The following DPY19L3 variants were observed in gnomAD, a reference collection of about 807,000 sequenced individuals.
DPY19L3 encodes the protein dpy-19 like C-mannosyltransferase 3, also known as protein C-mannosyl-transferase DPY19L3.
A neutral mutation model predicts 92.3 loss-of-function variants in DPY19L3; 51 were observed. The observed-to-expected ratio is 0.55, with a 90% CI of 0.44 to 0.70. The LOEUF (loss-of-function observed/expected upper bound fraction) is 0.70, where lower values mean the gene tolerates loss of function less well. Ranked by LOEUF, DPY19L3 falls within the 30% of genes least tolerant of loss-of-function variation. The pLI is 0.00. For synonymous variants in DPY19L3, 309 were observed against 315.2 expected (o/e 0.98, Z 0.21); for missense variants, 706 against 855.9 (o/e 0.82, Z 2.18).
chr19:32,448,398 G>A (rs1232702582), intron 8 of DPY19L3, among the ~76,000 whole-genome samples: 1 of 152,118 alleles, frequency 6.6e-6, no homozygotes, highest in African/African-American at 2.4e-5. Context: ...GGCTACTGGT[G>A]CCGATGTCTC....
intron 16 of DPY19L3, among the ~76,000 whole-genome samples, chr19:32,476,167 G>A (rs1970502399): frequency 6.6e-6 from 1 of 152,138 alleles, no homozygotes; most frequent in South Asian, 2.1e-4. Context: ...CGCTGAGTTG[G>A]AATAAATAAA....
intron 18 of DPY19L3, chr19:32,480,782 G>T: frequency 1.7e-6 from 1 of 595,794 alleles, no homozygotes; most frequent in Non-Finnish European, 2.9e-6. Flanking sequence ...TGGGTCCCCA[G>T]TGTCACACCA....
chr19:32,432,417 T>G (rs1402785782), intron 3 of DPY19L3, among the ~76,000 whole-genome samples: 1 of 152,188 alleles, frequency 6.6e-6, no homozygotes, highest in Non-Finnish European at 1.5e-5. Context: ...TCATTTTTTT[T>G]TGTGCCATCC....
chr19:32,464,777 G>A lies in DPY19L3; in HGVS notation c.1607G>A (p.Cys536Tyr). 6.6e-7 allele frequency: 1 copy of A among 1,525,246 alleles called. No homozygotes were observed. The highest frequency in any genetic ancestry group is 8.9e-7 in the Non-Finnish European group (1 of 1,122,082). The allele number at this position is 1,525,246 out of a possible 1,614,324, so 94.5% of individuals were successfully genotyped here. The change falls in exon 15 of 19, where the codon TGC (cysteine) becomes TAC (tyrosine). Residue 536 changes from cysteine (C) to tyrosine (Y), a missense_variant. Physicochemically the swap from Cys to Tyr is radical, Grantham distance 194 (BLOSUM62 -2). Coordinates refer to ENST00000392250, the MANE Select transcript of DPY19L3 (RefSeq NM_001172774.2). ...CCGATATTAATACTGCTGTATCTATGCTATAAGGTAAGACTGATTTTCCTC... is the reference window on the plus strand; with the variant it reads ...CCGATATTAATACTGCTGTATCTATACTATAAGGTAAGACTGATTTTCCTC... ...SVPILILLYL[C>Y]YKFWPGMMDE...
Position 32,439,152 on chromosome 19 carries a change from G to A in DPY19L3, c.637G>A (p.Glu213Lys). 1 of 1,613,438 alleles carries A rather than the reference G, an allele frequency of 6.2e-7. No individual in the cohort carries two copies. The highest frequency in any genetic ancestry group is 8.5e-7 in the Non-Finnish European group (1 of 1,179,530). ...TRVEFTIPLR[E>K]NWALPFFAIQ... ...AGTTGAGTTTACCATCCCACTGAGG[G>A]AGAACTGGGCGCTGCCATTCTTTGC... The change falls in exon 7 of 19, where the codon GAG (glutamate) becomes AAG (lysine). Residue 213 changes from glutamate (E) to lysine (K), a missense_variant. Transcript: ENST00000392250.
rs1441950998 is a variant in DPY19L3 at position 32,405,807 on chromosome 19, T to TA, written c.-139dup. 2 of 151,998 alleles carry TA rather than the reference T, an allele frequency of 1.3e-5. No homozygotes were observed. The highest frequency in any genetic ancestry group is 2.4e-5 in the African/African-American group (1 of 41,426). 9.4% of individuals were successfully genotyped at this position (151,998 alleles called of 1,614,324 possible). A position where few individuals can be genotyped will look rare whatever the true frequency, so the allele number is the denominator to read the frequency against. On this transcript the variant is annotated 5_prime_UTR_variant, in exon 1 of 19. Transcript: ENST00000392250. ...CTCCGCGGCGGTTCTGCCCTCCTTGTACCCGCGGCGCGCTGCGGCCCGTGG... is the reference window on the plus strand; with the variant it reads ...CTCCGCGGCGGTTCTGCCCTCCTTGTAACCCGCGGCGCGCTGCGGCCCGTGG...
At position 32,480,570 on chromosome 19, in the gene DPY19L3, C is replaced by CCT. The variant is rs1970643961; in HGVS notation, c.1989+17_1989+18dup. The CCT allele has an allele frequency of 1.2e-6, 2 of 1,608,410 alleles. No individual in the cohort carries two copies. Reference sequence around the variant, plus strand: ...TGCCAACGGCCACGTGAGCATGCTGCCTCTCCCTGTGTGGGGGTCTCCTGG... The same window carrying CCT: ...TGCCAACGGCCACGTGAGCATGCTGCCTCTCTCCCTGTGTGGGGGTCTCCTGG... On this transcript the variant is annotated intron_variant, in intron 18 of 18. Coordinates refer to ENST00000392250, the MANE Select transcript of DPY19L3 (RefSeq NM_001172774.2).
In DPY19L3 at chr19:32,482,066, G is replaced by GT; in HGVS notation, c.1990-9dup. ...TTCCCCCCAAATTGTATTTGGGTTT[G>GT]TTTTGGTTTTAGATGATGGATGGCC... is the stretch of plus-strand genomic sequence containing the variant. On this transcript the variant is annotated splice_polypyrimidine_tract_variant and intron_variant, in intron 18 of 18. Transcript: ENST00000392250. The GT allele has an allele frequency of 1.2e-6, 2 of 1,605,694 alleles. No homozygotes were observed. Among genetic ancestry groups the GT allele is most frequent in the Non-Finnish European group, 1.7e-6 (2 of 1,177,392 alleles).
intron 1 of DPY19L3, 196 bp downstream of exon 1, chr19:32,406,105 G>A (rs372504759): frequency 6.6e-6 from 1 of 151,958 alleles, no homozygotes; most frequent in Admixed American, 6.6e-5. Flanking sequence ...ACGCGGGCCG[G>A]GCTGGGCTCC....
intron 3 of DPY19L3, among the ~76,000 whole-genome samples, chr19:32,420,624 A>G (rs1295441722): frequency 6.6e-6 from 1 of 151,816 alleles, no homozygotes; most frequent in Non-Finnish European, 1.5e-5. Context: ...TAACTTTTGT[A>G]TTTTTAGTAG....
chr19:32,457,561 A>G (rs1244746017), intron 10 of DPY19L3, among the ~76,000 whole-genome samples: 2 of 152,220 alleles, frequency 1.3e-5, no homozygotes, highest in African/African-American at 4.8e-5. Context: ...TTTAAAATAG[A>G]ATTATATGAG....
chr19:32,475,666 G>C (rs1970484712), intron 16 of DPY19L3, among the ~76,000 whole-genome samples: 1 of 152,214 alleles, frequency 6.6e-6, no homozygotes, highest in South Asian at 2.1e-4. Context: ...AGTGTCAGTT[G>C]AATTAAACTG....
intron 15 of DPY19L3, chr19:32,467,518 C>T: frequency 1.0e-6 from 1 of 987,582 alleles, no homozygotes; most frequent in Non-Finnish European, 1.2e-6. Context: ...AGCAATTTTC[C>T]TGATTCACCC....
intron 2 of DPY19L3, among the ~76,000 whole-genome samples, chr19:32,410,024 C>G (rs1476491920): frequency 6.6e-6 from 1 of 152,170 alleles, no homozygotes; most frequent in Non-Finnish European, 1.5e-5. Context: ...ATGTTGCATT[C>G]CAGAGAGGCA....
At chr19:32,436,179 A>G (rs1443640172) in intron 4 of DPY19L3, among the ~76,000 whole-genome samples, 1 of 152,228 alleles carries the variant, frequency 6.6e-6, no homozygotes, top group Non-Finnish European at 1.5e-5. Flanking sequence ...CCACATTTCT[A>G]GAGAAGGACC....
In DPY19L3 at chr19:32,453,393, A is replaced by G. The variant is rs1475836665; in HGVS notation, c.987+117A>G. 36 of 1,043,038 alleles carry G rather than the reference A, an allele frequency of 3.5e-5. No homozygotes were observed. The Admixed American group carries it at 1.1e-3, about 32-fold the overall frequency. 64.6% of individuals were successfully genotyped at this position (1,043,038 alleles called of 1,614,324 possible). A position where few individuals can be genotyped will look rare whatever the true frequency, so the allele number is the denominator to read the frequency against. On this transcript the variant is annotated intron_variant, in intron 9 of 18. Transcript: ENST00000392250. ...ATTTACAACCTGATTTGCACTAAAA[A>G]GAGCACGTGGCATTGTGTGCTTTTT...
chr19:32,427,065 C>T (rs1055471068), intron 3 of DPY19L3, among the ~76,000 whole-genome samples: 2 of 152,138 alleles, frequency 1.3e-5, no homozygotes, highest in Non-Finnish European at 2.9e-5. Context: ...GCGATCTCGG[C>T]TCACTGTAGC....
At position 32,484,873 on chromosome 19, in the gene DPY19L3, A is replaced by G. The variant is rs771817635; in HGVS notation, c.*2633A>G. 3 of 152,254 alleles carry G rather than the reference A, an allele frequency of 2.0e-5. No homozygotes were observed. Among genetic ancestry groups the G allele is most frequent in the Non-Finnish European group, 2.9e-5 (2 of 68,046 alleles). The allele number at this position is 152,254 out of a possible 1,614,324, so 9.4% of individuals were successfully genotyped here. On this transcript the variant is annotated 3_prime_UTR_variant, in exon 19 of 19. Transcript: ENST00000392250. ...AAAAAGTGATAAAGGCTGAGTTGCCAATAAAAGTTGCTTTTAAATTAGGTG... is the reference window on the plus strand; with the variant it reads ...AAAAAGTGATAAAGGCTGAGTTGCCGATAAAAGTTGCTTTTAAATTAGGTG...
intron 16 of DPY19L3, among the ~76,000 whole-genome samples, chr19:32,472,048 C>T (rs931290158): frequency 5.9e-5 from 9 of 152,150 alleles, no homozygotes; most frequent in African/African-American, 2.2e-4. Context: ...AACCGCTGGG[C>T]CTCGCCTCAG....
Sources: gnomAD v4.1 joint callset for allele counts (sites outside exome capture counted in the v4.1 genomes callset) on GRCh38, gnomAD v4.1.1 for gene constraint, MANE v1.5 for transcripts, NCBI Gene and HGNC (gene_info 2026-07-23, HGNC 2026-07-21) for gene names.